OVCH2: variants seen among roughly 807,000 people sequenced by gnomAD.
The protein encoded by OVCH2 is ovochymase 2, also known as ovochymase-2.
A neutral mutation model predicts 73.7 loss-of-function variants in OVCH2; 88 were observed. The observed-to-expected ratio is 1.19, with a 90% CI of 1.01 to 1.43. The LOEUF is 1.43. Ranked by LOEUF, OVCH2 falls within the 40% of genes most tolerant of loss-of-function variation. OVCH2 has a pLI of 0.00. For synonymous variants in OVCH2, 265 were observed against 234.5 expected (o/e 1.13, Z -1.19); for missense variants, 706 against 674.5 (o/e 1.05, Z -0.52).
chr11:7,679,280 G>GT, the OVCH2 span, among the ~76,000 whole-genome samples: 1 of 152,198 alleles, frequency 6.6e-6, no homozygotes, highest in Non-Finnish European at 1.5e-5. Context: ...GGATCTTTTT[G>GT]TATGATAATG....
In OVCH2 at chr11:7,703,788, A is replaced by G. The variant is rs771879791; in HGVS notation, c.200T>C (p.Val67Ala). 5.6e-6 allele frequency: 9 copies of G among 1,602,154 alleles called. No homozygotes were observed. The highest frequency in any genetic ancestry group is 3.3e-4 in the Middle Eastern group (2 of 6,068). Residue 67 changes from valine (V) to alanine (A), a missense_variant and splice_region_variant, in exon 3 of 16, where the codon GTA becomes GCA. Val to Ala is a moderately conservative substitution (Grantham distance 64). Coordinates refer to ENST00000533663, the MANE Select transcript of OVCH2 (RefSeq NM_198185.7). ...QVEKGSYPWQ[V>A]SLKQRQKHIC... ...ATGCTTCTGCCTTTGTTTCAGAGAT[A>G]CCTAAATTGCAAATACCTTAAATGA...
intron 12 of OVCH2, among the ~76,000 whole-genome samples, chr11:7,692,962 T>G (rs1856250037): frequency 6.6e-6 from 1 of 152,254 alleles, no homozygotes; most frequent in Non-Finnish European, 1.5e-5. Flanking sequence ...GCATTTACTT[T>G]TTTTCTTCTC....
chr11:7,684,522 GTGTGTGT>G (rs1856122336), downstream of OVCH2, among the ~76,000 whole-genome samples: 1 of 151,270 alleles, frequency 6.6e-6, no homozygotes, highest in Admixed American at 6.6e-5. Flanking sequence ...GTGTGTGTGT[GTGTGTGT>G]GTGTGTGTGT....
the OVCH2 span, among the ~76,000 whole-genome samples, chr11:7,684,173 A>G: frequency 6.6e-6 from 1 of 152,110 alleles, no homozygotes; most frequent in African/African-American, 2.4e-5. Flanking sequence ...CTTGAGGATA[A>G]TGCCTGACCT....
intron 10 of OVCH2, 24 bp from the exon 11 acceptor site, chr11:7,695,734 C>G: frequency 6.3e-7 from 1 of 1,581,800 alleles, no homozygotes; most frequent in Non-Finnish European, 8.6e-7. Flanking sequence ...AAAAAGGATT[C>G]TTTGTTCAGA....
the OVCH2 span, among the ~76,000 whole-genome samples, chr11:7,678,899 T>A: frequency 6.6e-6 from 1 of 152,230 alleles, no homozygotes; most frequent in African/African-American, 2.4e-5. Flanking sequence ...TGCAGTAATA[T>A]GCATGGAACA....
the OVCH2 span, among the ~76,000 whole-genome samples, chr11:7,681,564 C>G: frequency 6.6e-6 from 1 of 152,044 alleles, no homozygotes; most frequent in South Asian, 2.1e-4. Flanking sequence ...CTTCCACACC[C>G]AGCTATGTGT....
chr11:7,701,947 G>A (rs1856448238), intron 4 of OVCH2, 136 bp from the exon 5 acceptor site: 1 of 836,122 alleles, frequency 1.2e-6, no homozygotes, highest in Non-Finnish European at 1.9e-6. Flanking sequence ...ACCTCCAGGG[G>A]TTACTTGTCA....
rs1169504623 is a variant in OVCH2 at position 7,706,345 on chromosome 11, A to T, written c.50T>A (p.Phe17Tyr). The T allele has an allele frequency of 1.9e-6, 3 of 1,590,676 alleles. No homozygotes were observed. In the African/African-American group the frequency reaches 4.0e-5, roughly 21 times the overall value. Reference protein sequence around the residue: ...KLILLLGIVFFERGKSATLSL... With the variant: ...KLILLLGIVFYERGKSATLSL... ...AAGAGTTGCAGATTTACCTCGTTCA[A>T]AAAAGACTATTCCTAGTAGTAAAAT... Residue 17 changes from phenylalanine (F) to tyrosine (Y), a missense_variant, in exon 1 of 16, where the codon TTT (phenylalanine) becomes TAT (tyrosine). By Grantham distance (22) the Phe-to-Tyr change is conservative (BLOSUM62 3). Coordinates refer to ENST00000533663, the MANE Select transcript of OVCH2 (RefSeq NM_198185.7).
intron 13 of OVCH2, 23 bp from the exon 14 acceptor site, chr11:7,691,423 A>T (rs1228680337): frequency 1.9e-6 from 3 of 1,606,084 alleles, no homozygotes; most frequent in Admixed American, 3.4e-5. Context: ...CAGCCCAGGC[A>T]TGACATTGTC....
intron 8 of OVCH2, among the ~76,000 whole-genome samples, chr11:7,697,703 C>T (rs1002169728): frequency 6.6e-6 from 1 of 152,132 alleles, no homozygotes; most frequent in African/African-American, 2.4e-5. Flanking sequence ...GGCTCCCAAT[C>T]CTCATTTCTC....
chr11:7,684,940 G>C (rs571441612), downstream of OVCH2, among the ~76,000 whole-genome samples: 36 of 152,276 alleles, frequency 2.4e-4, 1 homozygote, highest in South Asian at 7.5e-3. Context: ...TCTTGAGCCT[G>C]CCAGACTTAT....
the OVCH2 span, among the ~76,000 whole-genome samples, chr11:7,680,449 G>A: frequency 6.6e-6 from 1 of 152,108 alleles, no homozygotes; most frequent in Admixed American, 6.5e-5. Context: ...AGACAGAGAG[G>A]CTCTCCTCAA....
At chr11:7,703,527 C>T (rs1263998350) in intron 3 of OVCH2, among the ~76,000 whole-genome samples, 171 bp downstream of exon 3, 3 of 152,136 alleles carry the variant, frequency 2.0e-5, no homozygotes, top group Non-Finnish European at 2.9e-5. Context: ...CTACCAAGTG[C>T]CATCTGACAA....
downstream of OVCH2, among the ~76,000 whole-genome samples, chr11:7,684,477 T>TAG (rs1856120101): frequency 7.8e-6 from 1 of 128,358 alleles, no homozygotes; most frequent in Non-Finnish European, 1.6e-5. Context: ...AACCTATATA[T>TAG]ATATATATAT....
At chr11:7,694,089 A>G (rs1046527007) in intron 12 of OVCH2, among the ~76,000 whole-genome samples, 1 of 152,080 alleles carries the variant, frequency 6.6e-6, no homozygotes, top group Non-Finnish European at 1.5e-5. Flanking sequence ...CTGGTGTCTC[A>G]TCATCCCTCA....
chr11:7,681,394 G>A, the OVCH2 span, among the ~76,000 whole-genome samples: 1 of 152,118 alleles, frequency 6.6e-6, no homozygotes, highest in African/African-American at 2.4e-5. Flanking sequence ...TGTGCCCATG[G>A]AAAACCTTGT....
chr11:7,696,797 A>G lies in OVCH2; in HGVS notation c.928T>C (p.Trp310Arg). 1.2e-6 allele frequency: 2 copies of G among 1,606,476 alleles called. No homozygotes were observed. The highest frequency in any genetic ancestry group is 1.7e-6 in the Non-Finnish European group (2 of 1,176,452). The stretch of plus-strand genomic sequence containing the variant: ...ACTATGACATCCTGCTCACTGCACC[A>G]GGCTGGGAGGGAAAGCCAGGAGAGT... Reference protein sequence around the residue: ...TGNRRKSSRAWCSEQDVIVSG... With the variant: ...TGNRRKSSRARCSEQDVIVSG... Residue 310 changes from tryptophan to arginine, a missense_variant and splice_region_variant, in exon 9 of 16, where the codon TGG becomes CGG. Coordinates refer to ENST00000533663, the MANE Select transcript of OVCH2 (RefSeq NM_198185.7).
the OVCH2 span, among the ~76,000 whole-genome samples, chr11:7,682,628 C>T: frequency 6.6e-6 from 1 of 152,226 alleles, no homozygotes; most frequent in East Asian, 1.9e-4. Context: ...CCTTTTGTGT[C>T]CTAGCTCTCT....
Sources: allele counts gnomAD v4.1 joint callset (sites outside exome capture counted in the v4.1 genomes callset), GRCh38; gene constraint gnomAD v4.1.1; transcripts MANE v1.5; gene names NCBI Gene and HGNC (gene_info 2026-07-23, HGNC 2026-07-21).